KHDC4: variants seen among roughly 807,000 people sequenced by gnomAD.
KHDC4 encodes the protein KH homology domain-containing protein 4.
In KHDC4, 19 loss-of-function variants were observed where a neutral mutation model predicts 74.5. That is an observed-to-expected ratio of 0.26 (90% CI 0.18 to 0.37). KHDC4 has a LOEUF of 0.37. Ranked by LOEUF, KHDC4 falls within the 10% of genes least tolerant of loss-of-function variation. The pLI is 1.00. For synonymous variants in KHDC4, 253 were observed against 266.1 expected (o/e 0.95, Z 0.48); for missense variants, 632 against 754.1 (o/e 0.84, Z 1.90).
rs1673757449 is a variant in KHDC4, at chr1:155,917,512, A to C, written c.1427T>G (p.Leu476Arg). ...EELPDERESG[L>R]LGYQHGPIHM... ...ATTTTATTTAACCTGGTATCCAAGC[A>C]GTCCAGATTCCCGTTCATCTGGTAG... Residue 476 changes from leucine (L) to arginine (R), a missense_variant, in exon 11 of 14, where the codon CTG (leucine) becomes CGG (arginine). Leu to Arg is a moderately radical substitution (Grantham distance 102). Around this residue, in one of 4 missense-constraint regions of KHDC4, gnomAD observed 254 missense variants for 267.4 expected, o/e 0.95. Transcript: ENST00000368321. The C allele has an allele frequency of 1.3e-6, 2 of 1,595,704 alleles. No individual in the cohort carries two copies. The highest frequency in any genetic ancestry group is 1.7e-6 in the Non-Finnish European group (2 of 1,168,546).
intron 10 of KHDC4, among the ~76,000 whole-genome samples, chr1:155,919,293 T>G (rs1452794739): frequency 6.6e-6 from 1 of 152,118 alleles, no homozygotes; most frequent in South Asian, 2.1e-4. Context: ...TTAACCACTC[T>G]GCTGTATTGC....
At chr1:155,933,067 T>G (rs1475978801) in intron 2 of KHDC4, among the ~76,000 whole-genome samples, 1 of 152,210 alleles carries the variant, frequency 6.6e-6, no homozygotes, top group African/African-American at 2.4e-5. Context: ...GTTATGTTGC[T>G]TTAAATGACT....
At chr1:155,919,913 G>C (rs1309040281) in intron 10 of KHDC4, 1 of 470,028 alleles carries the variant, frequency 2.1e-6, no homozygotes, top group East Asian at 6.3e-5. Context: ...GTTACACACT[G>C]TGCAACCCCC....
intron 7 of KHDC4, among the ~76,000 whole-genome samples, chr1:155,925,301 G>A (rs553782742): frequency 2.6e-5 from 4 of 152,016 alleles, no homozygotes; most frequent in Non-Finnish European, 5.9e-5. Context: ...AAAGTGCTGG[G>A]ATTACAGGTG....
At position 155,934,381 on chromosome 1, in the gene KHDC4, G is replaced by A. The variant is rs749460932; in HGVS notation, c.-8C>T. The A allele has an allele frequency of 1.7e-5, 27 of 1,611,584 alleles. No homozygotes were observed. Among genetic ancestry groups the A allele is most frequent in the South Asian group, 1.5e-4 (14 of 91,030 alleles). On this transcript the variant is annotated 5_prime_UTR_variant, in exon 1 of 14. Transcript: ENST00000368321. ...CGCGCTCCCCGCGGACATGGCGACCGCTTCTACTCAACCACCCGCCAACTA... is the reference window on the plus strand; with the variant it reads ...CGCGCTCCCCGCGGACATGGCGACCACTTCTACTCAACCACCCGCCAACTA...
chr1:155,928,593 C>CAAAAAAAAAAAAAAAAAAAAAAA (rs10555758), intron 4 of KHDC4, among the ~76,000 whole-genome samples: 2 of 89,332 alleles, frequency 2.2e-5, no homozygotes, highest in African/African-American at 4.3e-5. Context: ...ATCATAAAGA[C>CAAAAAAAAAAAAAAAAAAAAAAA]AAAAAAAAAA....
At chr1:155,918,664 G>T (rs540606389) in intron 10 of KHDC4, among the ~76,000 whole-genome samples, 1 of 151,850 alleles carries the variant, frequency 6.6e-6, no homozygotes, top group South Asian at 2.1e-4. Flanking sequence ...AAGTATTTGT[G>T]TATCTAAATG....
chr1:155,926,294 A>AT (rs892438039), intron 6 of KHDC4, among the ~76,000 whole-genome samples: 36 of 94,364 alleles, frequency 3.8e-4, no homozygotes, highest in African/African-American at 5.5e-4. Flanking sequence ...GAATTTCACG[A>AT]TTTTTTTTTC....
chr1:155,929,203 A>G, intron 4 of KHDC4, 93 bp downstream of exon 4: 1 of 852,784 alleles, frequency 1.2e-6, no homozygotes, highest in Admixed American at 2.0e-5. Flanking sequence ...TGAATCAAAT[A>G]TTGTGTACAC....
rs1259095669 is a variant in KHDC4 at position 155,914,707 on chromosome 1, G to A, written c.1646-387C>T. 4 of 183,410 alleles carry A rather than the reference G, an allele frequency of 2.2e-5. No individual in the cohort carries two copies. In the Admixed American group the frequency reaches 2.3e-4, roughly 11 times the overall value. 11.4% of individuals were successfully genotyped at this position (183,410 alleles called of 1,614,324 possible). On this transcript the variant is annotated intron_variant, in intron 13 of 13. Transcript: ENST00000368321. Reference sequence around the variant, plus strand: ...GTTCATTTTTATGAGTACAGGCAAAGAATAAAATATCCCATGTACCTCTAC... The same window carrying A: ...GTTCATTTTTATGAGTACAGGCAAAAAATAAAATATCCCATGTACCTCTAC...
chr1:155,932,381 G>A (rs533171418), intron 2 of KHDC4: 2 of 103,482 alleles, frequency 1.9e-5, no homozygotes, highest in South Asian at 3.3e-4. Context: ...TATTACCAAC[G>A]AGAAAGCTGA....
chr1:155,929,985 T>G (rs1421572075), intron 2 of KHDC4, 145 bp from the exon 3 acceptor site: 1 of 368,906 alleles, frequency 2.7e-6, no homozygotes, highest in Non-Finnish European at 4.4e-6. Context: ...TGATCTCAGC[T>G]CACTGCAACT....
At chr1:155,914,856 C>T (rs1193094066) in intron 13 of KHDC4, 1 of 153,324 alleles carries the variant, frequency 6.5e-6, no homozygotes, top group East Asian at 1.9e-4. Context: ...CAAAATCAAC[C>T]TTTATTAAGT....
At chr1:155,929,661 T>G (rs1453161988) in intron 3 of KHDC4, 51 bp downstream of exon 3, 2 of 1,582,686 alleles carry the variant, frequency 1.3e-6, no homozygotes, top group Non-Finnish European at 8.6e-7. Flanking sequence ...GAGGTCTTCT[T>G]TATCTGAATC....
At position 155,926,934 on chromosome 1, in the gene KHDC4, C is replaced by G. The variant is rs2275076; in HGVS notation, c.518-95G>C. The G allele has an allele frequency of 1.4e-4, 196 of 1,435,084 alleles. 3 individuals are homozygous for G. The East Asian group carries it at 4.3e-3, about 32-fold the overall frequency. 88.9% of individuals were successfully genotyped at this position (1,435,084 alleles called of 1,614,324 possible). A position where few individuals can be genotyped will look rare whatever the true frequency, so the allele number is the denominator to read the frequency against. ...TTATTCACCGTAAATCTGCTTTATACGTTACCCAAATATGTGGCTCTCCAT... is the reference window on the plus strand; with the variant it reads ...TTATTCACCGTAAATCTGCTTTATAGGTTACCCAAATATGTGGCTCTCCAT... On this transcript the variant is annotated intron_variant, in intron 5 of 13. Coordinates refer to ENST00000368321, the MANE Select transcript of KHDC4 (RefSeq NM_014949.4).
At chr1:155,922,798 T>C (rs545796132) in intron 8 of KHDC4, among the ~76,000 whole-genome samples, 9 of 152,284 alleles carry the variant, frequency 5.9e-5, no homozygotes, top group Admixed American at 4.6e-4. Context: ...TCAGGTGCTA[T>C]GTACAAAAGT....
At chr1:155,915,043 C>T (rs1212765224) in intron 13 of KHDC4, 1 of 150,510 alleles carries the variant, frequency 6.6e-6, no homozygotes, top group Non-Finnish European at 1.5e-5. Flanking sequence ...AAACTATTTT[C>T]TCTCTCTCTC....
Position 155,934,339 on chromosome 1 carries a change from C to T in KHDC4, c.35G>A (p.Gly12Asp). ...GCCCTCGCCCCTGAAGCCGTACCCG[C>T]CAGCTCCAGGATGTGTCGCGCTCCC... is the stretch of plus-strand genomic sequence containing the variant. ...SAGSATHPGA[G>D]GRRSKWDQPA... The change falls in exon 1 of 14, where the codon GGC becomes GAC. Residue 12 changes from glycine (G) to aspartate (D), a missense_variant. Coordinates refer to ENST00000368321, the MANE Select transcript of KHDC4 (RefSeq NM_014949.4). 1 of 1,610,494 alleles carries T rather than the reference C, an allele frequency of 6.2e-7. No homozygotes were observed.
At chr1:155,915,631 C>G in intron 13 of KHDC4, 1 of 439,770 alleles carries the variant, frequency 2.3e-6, no homozygotes. Context: ...CCTCAACCCC[C>G]TGAGTAGCTG....
Sources: gnomAD v4.1 joint callset for allele counts (sites outside exome capture counted in the v4.1 genomes callset) on GRCh38, gnomAD v4.1.1 for gene constraint, gnomAD v4.1.1 regional missense constraint, MANE v1.5 for transcripts, NCBI Gene and HGNC (gene_info 2026-07-23, HGNC 2026-07-21) for gene names.